RRAGC: variants seen among roughly 807,000 people sequenced by gnomAD.
The protein encoded by RRAGC is ras-related GTP-binding protein C.
RRAGC carries 8 observed loss-of-function variants against 37.1 expected under a neutral mutation model. That is an observed-to-expected ratio of 0.22 (90% CI 0.13 to 0.39). The LOEUF (loss-of-function observed/expected upper bound fraction) is 0.39. RRAGC is among the 10% of genes least tolerant of loss of function. The pLI is 1.00. For synonymous variants in RRAGC, 190 were observed against 181.1 expected, an observed-to-expected ratio of 1.05 and a Z score of -0.39; for missense variants, 342 against 497.6, an observed-to-expected ratio of 0.69 and a Z score of 2.98.
In RRAGC at chr1:38,851,739, CT is replaced by C; in HGVS notation, c.774del (p.Ala259LeufsTer30). The C allele has an allele frequency of 1.2e-6, 2 of 1,610,262 alleles. No homozygotes were observed. The highest frequency in any genetic ancestry group is 1.7e-6 in the Non-Finnish European group (2 of 1,178,884). On this transcript the variant is annotated frameshift_variant, in exon 5 of 7. Transcript: ENST00000373001. LOFTEE classifies it high-confidence loss of function. The part of the protein sequence containing the change: ...NIFISNSGIE[K>X]AFLFDVVSKI... ...TTGCTGACAACATCAAAGAGAAAAG[CT>C]TTTTCAATACCTGAATTCTTGGAAA...
intron 3 of RRAGC, among the ~76,000 whole-genome samples, chr1:38,852,874 G>T (rs1365265296): frequency 6.6e-6 from 1 of 151,996 alleles, no homozygotes; most frequent in African/African-American, 2.4e-5. Context: ...CATAATTCAG[G>T]TTTCTACTAA....
chr1:38,859,154 G>C (rs1010225285), intron 1 of RRAGC, among the ~76,000 whole-genome samples: 1 of 152,250 alleles, frequency 6.6e-6, no homozygotes, highest in Non-Finnish European at 1.5e-5. Flanking sequence ...CGGAGGTCTT[G>C]GGCGGTGCCA....
At chr1:38,845,507 G>C (rs1461954091) in intron 6 of RRAGC, among the ~76,000 whole-genome samples, 2 of 152,146 alleles carry the variant, frequency 1.3e-5, no homozygotes, top group Non-Finnish European at 2.9e-5. Context: ...GATAACATTA[G>C]GAGAAATACC....
At chr1:38,858,528 T>C (rs1642194897) in intron 1 of RRAGC, among the ~76,000 whole-genome samples, 1 of 152,070 alleles carries the variant, frequency 6.6e-6, no homozygotes, top group Admixed American at 6.5e-5. Context: ...TGAAACCCCG[T>C]CTCTACTAAA....
chr1:38,857,003 T>C lies in RRAGC; in HGVS notation c.317A>G (p.Asn106Ser), dbSNP rs374445701. ...TATCTGGAAATTCACAAAGGAGCTA[T>C]TGGAAATGTCATCCTTATAAATCTT... Reference protein sequence around the residue: ...TNKIYKDDISNSSFVNFQIWD... With the variant: ...TNKIYKDDISSSSFVNFQIWD... The change falls in exon 2 of 7, where the codon AAT becomes AGT. Residue 106 changes from asparagine (N) to serine (S), a missense_variant. By Grantham distance (46) the Asn-to-Ser change is conservative (BLOSUM62 1). This residue lies in a region of RRAGC where 134 missense variants were observed against 277.2 expected (regional missense o/e 0.48). Coordinates refer to ENST00000373001, the MANE Select transcript of RRAGC (RefSeq NM_022157.4). 1.9e-5 allele frequency: 31 copies of C among 1,613,958 alleles called. No individual in the cohort carries two copies. The highest frequency in any genetic ancestry group is 4.5e-5 in the East Asian group (2 of 44,884).
intron 3 of RRAGC, among the ~76,000 whole-genome samples, chr1:38,853,909 G>C (rs1295763996): frequency 6.6e-6 from 1 of 152,068 alleles, no homozygotes; most frequent in East Asian, 1.9e-4. Flanking sequence ...TAGGCCAAAA[G>C]GTGAGCAAAG....
At chr1:38,845,502 C>G (rs1642017132) in intron 6 of RRAGC, among the ~76,000 whole-genome samples, 1 of 152,168 alleles carries the variant, frequency 6.6e-6, no homozygotes, top group Non-Finnish European at 1.5e-5. Flanking sequence ...GGAGGGATAA[C>G]ATTAGGAGAA....
At chr1:38,840,279 A>C (rs1286833044) in intron 6 of RRAGC, among the ~76,000 whole-genome samples, 1 of 152,214 alleles carries the variant, frequency 6.6e-6, no homozygotes, top group Non-Finnish European at 1.5e-5. Flanking sequence ...TCCAAGTTTC[A>C]AATCACTCAA....
rs1481384843 is a variant in RRAGC at position 38,859,537 on chromosome 1, GCCT to G, written c.107_109del (p.Glu36del). 4 of 1,312,080 alleles carry G rather than the reference GCCT, an allele frequency of 3.0e-6. No individual in the cohort carries two copies. Among genetic ancestry groups the G allele is most frequent in the African/African-American group, 1.6e-5 (1 of 62,126 alleles). The allele number at this position is 1,312,080 out of a possible 1,614,324, so 81.3% of individuals were successfully genotyped here. A position where few individuals can be genotyped will look rare whatever the true frequency, so the allele number is the denominator to read the frequency against. ...CCCAACCCCTCCGCCCGCCGCCGCC[GCCT>G]CCTCTTCCTCCTCCTCCACGCCGTA... On this transcript the variant is annotated inframe_deletion, in exon 1 of 7. Coordinates refer to ENST00000373001, the MANE Select transcript of RRAGC (RefSeq NM_022157.4).
intron 1 of RRAGC, among the ~76,000 whole-genome samples, chr1:38,858,129 A>C (rs1570872649): frequency 7.3e-6 from 1 of 136,286 alleles, no homozygotes; most frequent in South Asian, 2.3e-4. Context: ...CAGTCAACGT[A>C]CCCAAGTTTT....
At position 38,839,571 on chromosome 1, in the gene RRAGC, C is replaced by A. The variant is rs1383003553; in HGVS notation, c.1182G>T (p.Thr394=). 3 of 1,614,076 alleles carry A rather than the reference C, an allele frequency of 1.9e-6. No individual in the cohort carries two copies. In the South Asian group the frequency reaches 3.3e-5, roughly 18 times the overall value. Residue 394 remains threonine, a synonymous_variant, in exon 7 of 7, where the codon ACG becomes ACT. Coordinates refer to ENST00000373001, the MANE Select transcript of RRAGC (RefSeq NM_022157.4). The stretch of plus-strand genomic sequence containing the variant: ...ATTCAGACTAGATGGCGTTTCGTGG[C>A]GTGCCATTGTGTGTCAGCGCTTTCA... The part of the protein sequence containing the change: ...SSLKALTHNG[T]PRNAI
intron 4 of RRAGC, 46 bp from the exon 5 acceptor site, chr1:38,851,803 C>A: frequency 6.6e-7 from 1 of 1,516,594 alleles, no homozygotes; most frequent in Non-Finnish European, 9.1e-7. Context: ...TTAAGAATCA[C>A]AATTTACAAC....
Position 38,859,712 on chromosome 1 carries a change from C to G in RRAGC, c.-66G>C, listed in dbSNP as rs2124239244. The stretch of plus-strand genomic sequence containing the variant: ...CCAGGCCGAGCCAGGCCGCCGCCTC[C>G]CCAGTCCGCCTCCGCCGCCGCCGCC... On this transcript the variant is annotated 5_prime_UTR_variant, in exon 1 of 7. Transcript: ENST00000373001. 3 of 1,249,690 alleles carry G rather than the reference C, an allele frequency of 2.4e-6. No homozygotes were observed. Among genetic ancestry groups the G allele is most frequent in the Non-Finnish European group, 3.0e-6 (3 of 990,300 alleles). 77.4% of individuals were successfully genotyped at this position (1,249,690 alleles called of 1,614,324 possible).
rs1411075391 is a variant in RRAGC, at chr1:38,838,329, GGAAGCACTCCAA to G, written c.*1212_*1223del. 8 of 152,184 alleles carry G rather than the reference GGAAGCACTCCAA, an allele frequency of 5.3e-5. No homozygotes were observed. Among genetic ancestry groups the G allele is most frequent in the African/African-American group, 1.9e-4 (8 of 41,438 alleles). 9.4% of individuals were successfully genotyped at this position (152,184 alleles called of 1,614,324 possible). ...AATACTCAAGTCAGAATCACCTGCA[GGAAGCACTCCAA>G]GTCACACTGTTAGCTTTACAGACCT... On this transcript the variant is annotated 3_prime_UTR_variant, in exon 7 of 7. Transcript: ENST00000373001.
Position 38,859,674 on chromosome 1 carries a change from C to G in RRAGC, c.-28G>C. ...TGCTGGAGCCGCCGCCGCCCGCGCC[C>G]TGACAGGCCAGGCCAGGCCGAGCCA... is the stretch of plus-strand genomic sequence containing the variant. On this transcript the variant is annotated 5_prime_UTR_variant, in exon 1 of 7. Transcript: ENST00000373001. The G allele has an allele frequency of 3.9e-6, 6 of 1,525,502 alleles. No homozygotes were observed. Among genetic ancestry groups the G allele is most frequent in the Non-Finnish European group, 5.3e-6 (6 of 1,136,060 alleles). 94.5% of individuals were successfully genotyped at this position (1,525,502 alleles called of 1,614,324 possible). A position where few individuals can be genotyped will look rare whatever the true frequency, so the allele number is the denominator to read the frequency against.
intron 1 of RRAGC, among the ~76,000 whole-genome samples, chr1:38,859,126 G>T (rs1264293538): frequency 6.6e-6 from 1 of 152,246 alleles, no homozygotes; most frequent in Admixed American, 6.5e-5. Flanking sequence ...AATGACACAG[G>T]AGCTGGGTCC....
At chr1:38,849,553 T>G (rs1184940009) in intron 5 of RRAGC, among the ~76,000 whole-genome samples, 1 of 151,780 alleles carries the variant, frequency 6.6e-6, no homozygotes, top group Non-Finnish European at 1.5e-5. Context: ...CCAGGCGTGG[T>G]GGTGCACCCC....
At chr1:38,842,542 T>C (rs527898340) in intron 6 of RRAGC, among the ~76,000 whole-genome samples, 63 of 152,286 alleles carry the variant, frequency 4.1e-4, no homozygotes, top group Admixed American at 1.5e-3. Flanking sequence ...GGACAAGAAG[T>C]GATAAGAACT....
At chr1:38,845,868 C>T in intron 6 of RRAGC, 71 bp downstream of exon 6, 2 of 1,320,634 alleles carry the variant, frequency 1.5e-6, no homozygotes, top group Non-Finnish European at 2.1e-6. Context: ...ATTATTTTCA[C>T]TTGTTTTCAA....
Sources: allele counts gnomAD v4.1 joint callset (sites outside exome capture counted in the v4.1 genomes callset), GRCh38; gene constraint gnomAD v4.1.1; regional missense constraint gnomAD v4.1.1; transcripts MANE v1.5; gene names NCBI Gene and HGNC (gene_info 2026-07-23, HGNC 2026-07-21).